The following CA10 variants were observed in gnomAD, a reference collection of about 807,000 sequenced individuals.
The protein encoded by CA10 is carbonic anhydrase-related protein 10.
CA10 carries 14 observed loss-of-function variants against 44.2 expected under a neutral mutation model. The ratio of observed to expected loss-of-function variants is 0.32; its 90% CI spans 0.21 to 0.50. The LOEUF is 0.50. CA10 is among the 20% of genes least tolerant of loss of function. The pLI is 0.99. For missense variants in CA10, 350 were observed against 409.7 expected, an observed-to-expected ratio of 0.85 and a Z score of 1.26; for synonymous variants, 159 against 141.6, an observed-to-expected ratio of 1.12 and a Z score of -0.87.
chr17:51,805,582 C>T (rs1421244963), intron 3 of CA10, among the ~76,000 whole-genome samples: 2 of 152,196 alleles, frequency 1.3e-5, no homozygotes, highest in African/African-American at 4.8e-5. Context: ...ATTTTAAAAA[C>T]TCCCCAAGAA....
chr17:51,856,559 G>C (rs569415765), intron 3 of CA10, among the ~76,000 whole-genome samples: 173 of 152,238 alleles, frequency 1.1e-3, no homozygotes, highest in African/African-American at 3.9e-3. Flanking sequence ...GACAGGAGTA[G>C]CATAAACACC....
Position 52,024,335 on chromosome 17 carries a change from T to C in CA10, c.136+47984A>G, listed in dbSNP as rs139164813. ...TAGACATAGTCACATATGTGAAATG[T>C]GAGCCAAATTTAAGTTATGTAAAAA... On this transcript the variant is annotated intron_variant, in intron 2 of 8. Coordinates refer to ENST00000451037, the MANE Select transcript of CA10 (RefSeq NM_020178.5). Among the ~76,000 whole-genome samples the C allele has an allele frequency of 6.5e-3, 986 of 152,218 alleles. 5 individuals are homozygous for C. The highest frequency in any genetic ancestry group is 0.023 in the African/African-American group (936 of 41,540).
chr17:51,986,137 T>A (rs184096285), intron 2 of CA10, among the ~76,000 whole-genome samples: 1 of 152,052 alleles, frequency 6.6e-6, no homozygotes, highest in East Asian at 1.9e-4. Flanking sequence ...CAAAACAACA[T>A]GGTACTGATA....
intron 4 of CA10, among the ~76,000 whole-genome samples, chr17:51,668,235 A>C (rs1914278693): frequency 6.6e-6 from 1 of 152,208 alleles, no homozygotes; most frequent in African/African-American, 2.4e-5. Flanking sequence ...GAGTGGTGGC[A>C]TGCATGCCAT....
chr17:51,783,927 GGCCTGC>G (rs1265275953), intron 3 of CA10, among the ~76,000 whole-genome samples: 3 of 152,048 alleles, frequency 2.0e-5, no homozygotes, highest in African/African-American at 7.2e-5. Flanking sequence ...CTGGAGAGCT[GGCCTGC>G]TCTCCATCTT....
intron 3 of CA10, among the ~76,000 whole-genome samples, chr17:51,855,374 C>CA: frequency 6.6e-6 from 1 of 152,152 alleles, no homozygotes; most frequent in Non-Finnish European, 1.5e-5. Context: ...ATGCACCATC[C>CA]TTTTAAGAAA....
At chr17:51,641,960 C>T (rs546783769) in intron 6 of CA10, among the ~76,000 whole-genome samples, 5 of 152,222 alleles carry the variant, frequency 3.3e-5, no homozygotes, top group Admixed American at 1.3e-4. Context: ...CAATACTGGA[C>T]TTGTTCCTGA....
chr17:52,081,525 G>C lies in CA10; in HGVS notation c.62-9132C>G, dbSNP rs189254804. Among the ~76,000 whole-genome samples the C allele has an allele frequency of 7.9e-5, 12 of 152,288 alleles. No homozygotes were observed. The East Asian group carries it at 2.3e-3, about 30-fold the overall frequency. On this transcript the variant is annotated intron_variant, in intron 1 of 8. Transcript: ENST00000451037. ...CATAAGATTTAGATGAAGCGGCCGG[G>C]CGCGGTGGCTCACGCCTGTAGTCCC...
intron 4 of CA10, among the ~76,000 whole-genome samples, chr17:51,722,623 G>C (rs1916383225): frequency 6.6e-6 from 1 of 152,200 alleles, no homozygotes; most frequent in African/African-American, 2.4e-5. Flanking sequence ...GTGTGCCATG[G>C]ACTTTCATAC....
rs56319440 is a variant in CA10 at position 51,871,050 on chromosome 17, CTTTTTTTTTTTT to C, written c.279+59928_279+59939del. Among the ~76,000 whole-genome samples the C allele has an allele frequency of 2.4e-3, 229 of 94,860 alleles. 2 individuals carry two copies. Among genetic ancestry groups the C allele is most frequent in the African/African-American group, 7.5e-3 (208 of 27,670 alleles). The allele number at this position is 94,860 out of a possible 152,430, so 62.2% of individuals were successfully genotyped here. ...CCTTCTTTACTTTCTTCCCACTTTA[CTTTTTTTTTTTT>C]TTTTTTTTTTTTTTGAGACAGAGTC... On this transcript the variant is annotated intron_variant, in intron 3 of 8. Transcript: ENST00000451037.
intron 1 of CA10, among the ~76,000 whole-genome samples, chr17:52,109,401 G>A (rs1015245323): frequency 2.6e-5 from 4 of 152,168 alleles, no homozygotes; most frequent in African/African-American, 9.7e-5. Flanking sequence ...ATAGAGTAGA[G>A]AGAAGAAATG....
intron 4 of CA10, among the ~76,000 whole-genome samples, chr17:51,746,412 T>G (rs915761089): frequency 6.6e-6 from 1 of 152,222 alleles, no homozygotes. Context: ...AAAGCAAGAC[T>G]ACAAAACTCA....
intron 1 of CA10, among the ~76,000 whole-genome samples, chr17:52,130,737 G>A (rs1989220282): frequency 6.6e-6 from 1 of 151,422 alleles, no homozygotes; most frequent in African/African-American, 2.4e-5. Flanking sequence ...TTGCCCTGTT[G>A]CCCAGGCTGG....
rs1042848645 is a variant in CA10, at chr17:51,633,228, G to A, written c.964+248C>T. Among the ~76,000 whole-genome samples the A allele has an allele frequency of 5.9e-5, 9 of 151,844 alleles. No individual in the cohort carries two copies. The South Asian group carries it at 6.2e-4, about 11-fold the overall frequency. On this transcript the variant is annotated intron_variant, in intron 8 of 8. Coordinates refer to ENST00000451037, the MANE Select transcript of CA10 (RefSeq NM_020178.5). ...CTCTACACCTTGCCATCTACCTACC[G>A]TCCATCCATCCATCCATCCACTTAC...
intron 1 of CA10, among the ~76,000 whole-genome samples, chr17:52,076,923 G>A (rs1987832941): frequency 6.6e-6 from 1 of 152,108 alleles, no homozygotes. Flanking sequence ...CCTAGGTATG[G>A]ATCAGAATTT....
chr17:52,023,328 C>CAACT (rs1280360688), intron 2 of CA10, among the ~76,000 whole-genome samples: 1 of 151,896 alleles, frequency 6.6e-6, no homozygotes, highest in Non-Finnish European at 1.5e-5. Context: ...ATCAACCAAC[C>CAACT]AACTGATCTT....
intron 2 of CA10, chr17:52,070,655 G>C (rs1223617414): frequency 6.6e-6 from 1 of 150,642 alleles, no homozygotes; most frequent in East Asian, 1.9e-4. Flanking sequence ...TTAAATTTGA[G>C]AGTGAGGAAA....
chr17:51,679,963 T>C (rs1444482352), intron 4 of CA10, among the ~76,000 whole-genome samples: 1 of 152,216 alleles, frequency 6.6e-6, no homozygotes, highest in Non-Finnish European at 1.5e-5. Context: ...TAAACAATGT[T>C]TCATTGGAAC....
chr17:52,079,060 G>A (rs974102000), intron 1 of CA10, among the ~76,000 whole-genome samples: 6 of 152,306 alleles, frequency 3.9e-5, no homozygotes, highest in Non-Finnish European at 5.9e-5. Flanking sequence ...GCCGGGGCAC[G>A]CGGATCACGA....
Sources: gnomAD v4.1 joint callset for allele counts (sites outside exome capture counted in the v4.1 genomes callset) on GRCh38, gnomAD v4.1.1 for gene constraint, MANE v1.5 for transcripts, NCBI Gene and HGNC (gene_info 2026-07-23, HGNC 2026-07-21) for gene names.